Variants in PRAM1 observed in about 807,000 individuals in gnomAD.
PRAM1 encodes the protein PML-RARA-regulated adapter molecule 1.
Under a neutral mutation model 55.3 loss-of-function variants are expected in PRAM1, and 41 were observed. That is an observed-to-expected ratio of 0.74 (90% CI 0.58 to 0.96). The LOEUF (loss-of-function observed/expected upper bound fraction) is 0.96. PRAM1 is among the 40% of genes least tolerant of loss of function. The pLI is 0.00. For missense variants in PRAM1, 898 were observed against 892.7 expected, an observed-to-expected ratio of 1.01 and a Z score of -0.08; for synonymous variants, 401 against 387.1, an observed-to-expected ratio of 1.04 and a Z score of -0.42.
intron 1 of PRAM1, among the ~76,000 whole-genome samples, chr19:8,501,507 ATTTTTTT>A (rs773534887): frequency 6.8e-5 from 7 of 102,858 alleles, no homozygotes; most frequent in Admixed American, 5.7e-4. Context: ...ATGTGTCTTG[ATTTTTTT>A]TTTTTTTTTT....
At position 8,498,469 on chromosome 19, in the gene PRAM1, C is replaced by T; in HGVS notation, c.1339G>A (p.Ala447Thr). ...HPPRRRPLPP[A>T]SSLGHPPAKP... ...GCTGGAGGGTGTCCCAGGCTGCTGG[C>T]AGGGGGCAGAGGCCTCCGCCGGGGT... The change falls in exon 2 of 10, where the codon GCC (alanine) becomes ACC (threonine). Residue 447 changes from alanine (A) to threonine (T), a missense_variant. By Grantham distance (58) the Ala-to-Thr change is moderately conservative (BLOSUM62 0). Transcript: ENST00000423345. 1.3e-6 allele frequency: 2 copies of T among 1,586,334 alleles called. No individual in the cohort carries two copies. Among genetic ancestry groups the T allele is most frequent in the Non-Finnish European group, 1.7e-6 (2 of 1,166,208 alleles).
chr19:8,499,653 A>G lies in PRAM1; in HGVS notation c.155T>C (p.Leu52Pro). 6.2e-7 allele frequency: 1 copy of G among 1,613,682 alleles called. No individual in the cohort carries two copies. The highest frequency in any genetic ancestry group is 8.5e-7 in the Non-Finnish European group (1 of 1,179,820). Reference protein sequence around the residue: ...GKLKKFSQPELSEHPKKAPLP... With the variant: ...GKLKKFSQPEPSEHPKKAPLP... Reference sequence around the variant, plus strand: ...CGGGGCCTTCTTGGGGTGCTCGCTTAGCTCAGGCTGGGAGAACTTCTTCAG... The same window carrying G: ...CGGGGCCTTCTTGGGGTGCTCGCTTGGCTCAGGCTGGGAGAACTTCTTCAG... Residue 52 changes from leucine (L) to proline (P), a missense_variant, in exon 2 of 10, where the codon CTA becomes CCA. By Grantham distance (98) the Leu-to-Pro change is moderately conservative. Coordinates refer to ENST00000423345, the MANE Select transcript of PRAM1 (RefSeq NM_032152.5).
chr19:8,490,184 C>T lies in PRAM1; in HGVS notation c.*5G>A, dbSNP rs765683161. Reference sequence around the variant, plus strand: ...CTGGCTGTCCTGGCCCCACGCCTACCGGTCTTACCGTCCCAGGGGGAGTGG... The same window carrying T: ...CTGGCTGTCCTGGCCCCACGCCTACTGGTCTTACCGTCCCAGGGGGAGTGG... On this transcript the variant is annotated 3_prime_UTR_variant, in exon 10 of 10. Transcript: ENST00000423345. The surrounding 1 kb of genome is among the most constrained non-coding windows in gnomAD (Gnocchi z 7.3). 4.6e-5 allele frequency: 72 copies of T among 1,571,682 alleles called. No individual in the cohort carries two copies. The highest frequency in any genetic ancestry group is 4.4e-4 in the Admixed American group (25 of 56,512).
chr19:8,496,195 C>A, intron 4 of PRAM1: 1 of 440,096 alleles, frequency 2.3e-6, no homozygotes, highest in Non-Finnish European at 4.6e-6. Flanking sequence ...GTGGGCGGAT[C>A]ACGAGGTCAG....
chr19:8,491,842 C>A, intron 4 of PRAM1: 1 of 153,174 alleles, frequency 6.5e-6, no homozygotes, highest in Non-Finnish European at 1.5e-5. Flanking sequence ...TGCCCAAGGT[C>A]ACCCAGCTGG....
At chr19:8,500,351 G>A (rs1971789776) in intron 1 of PRAM1, among the ~76,000 whole-genome samples, 1 of 151,808 alleles carries the variant, frequency 6.6e-6, no homozygotes, top group African/African-American at 2.4e-5. Flanking sequence ...TGTCACCCCA[G>A]GAGGTAGTGG....
At chr19:8,495,581 C>T (rs528354750) in intron 4 of PRAM1, among the ~76,000 whole-genome samples, 40 of 152,168 alleles carry the variant, frequency 2.6e-4, no homozygotes, top group African/African-American at 9.4e-4. Context: ...TGCCTTACTG[C>T]CCTGTGGGGA....
At chr19:8,491,455 A>C in intron 4 of PRAM1, 7 of 477,730 alleles carry the variant, frequency 1.5e-5, no homozygotes, top group East Asian at 4.0e-5. Flanking sequence ...CTGGTCTTGA[A>C]CTCCTGACCT....
rs1971774731 is a variant in PRAM1 at position 8,499,597 on chromosome 19, G to T, written c.211C>A (p.Pro71Thr). 5 of 1,607,852 alleles carry T rather than the reference G, an allele frequency of 3.1e-6. No individual in the cohort carries two copies. The East Asian group carries it at 1.1e-4, about 36-fold the overall frequency. The change falls in exon 2 of 10, where the codon CCC (proline) becomes ACC (threonine). Residue 71 changes from proline to threonine, a missense_variant. By Grantham distance (38) the Pro-to-Thr change is conservative. Transcript: ENST00000423345. ...AGGTCAGTGACCTCAGGCGGCGGGG[G>T]CTTCAAGGACACTGCACCAAACTCA... Reference protein sequence around the residue: ...LPEFGAVSLKPPPPEVTDLPK... With the variant: ...LPEFGAVSLKTPPPEVTDLPK...
At chr19:8,494,845 C>T (rs1971676090) in intron 4 of PRAM1, among the ~76,000 whole-genome samples, 2 of 151,878 alleles carry the variant, frequency 1.3e-5, no homozygotes, top group South Asian at 4.2e-4. Flanking sequence ...GTTGGCCAGG[C>T]TGGTCTTGAA....
rs185680337 is a variant in PRAM1, at chr19:8,499,175, G to A, written c.633C>T (p.Thr211=). 1.2e-6 allele frequency: 2 copies of A among 1,613,656 alleles called. No homozygotes were observed. Among genetic ancestry groups the A allele is most frequent in the African/African-American group, 1.3e-5 (1 of 74,916 alleles). ...TPRSPQPELS[T]FPKKPAQPEF... The stretch of plus-strand genomic sequence containing the variant: ...CAGGCTGCGCAGGCTTCTTGGGAAA[G>A]GTACTCAACTCAGGCTGCGGGGACC... The change falls in exon 2 of 10, where the codon ACC becomes ACT. Residue 211 remains threonine (T), a synonymous_variant. Transcript: ENST00000423345.
chr19:8,492,855 G>A (rs1374215186), intron 4 of PRAM1, among the ~76,000 whole-genome samples: 1 of 151,942 alleles, frequency 6.6e-6, no homozygotes, highest in African/African-American at 2.4e-5. Context: ...AAATTAGACG[G>A]GTGTGGTGGT....
chr19:8,502,483 C>T (rs1971819415), intron 1 of PRAM1, 82 bp downstream of exon 1: 1 of 985,472 alleles, frequency 1.0e-6, no homozygotes, highest in Non-Finnish European at 1.5e-6. Context: ...CCCGCCCCTC[C>T]ACAGGTGGAT....
intron 4 of PRAM1, chr19:8,491,665 G>C (rs1971631937): frequency 5.5e-6 from 1 of 180,888 alleles, no homozygotes; most frequent in African/African-American, 2.4e-5. Flanking sequence ...GGTTCTTCTG[G>C]ATTGCCTTCC....
At chr19:8,500,056 C>A (rs1469400484) in intron 1 of PRAM1, among the ~76,000 whole-genome samples, 1 of 150,490 alleles carries the variant, frequency 6.6e-6, no homozygotes, top group Non-Finnish European at 1.5e-5. Context: ...CCACTGCCCT[C>A]CCCCCATGGG....
intron 3 of PRAM1, 124 bp downstream of exon 3, chr19:8,498,099 C>A: frequency 9.4e-7 from 1 of 1,063,604 alleles, no homozygotes; most frequent in Non-Finnish European, 1.4e-6. Flanking sequence ...AGGCTGTTGT[C>A]GAACTCCTGA....
chr19:8,498,880 G>GCTTTGAATT lies in PRAM1; in HGVS notation c.927_928insAATTCAAAG (p.Pro309_Arg310insAsnSerLys), dbSNP rs1971750103. The GCTTTGAATT allele has an allele frequency of 6.2e-7, 1 of 1,612,636 alleles. No homozygotes were observed. On this transcript the variant is annotated inframe_insertion, in exon 2 of 10. Coordinates refer to ENST00000423345, the MANE Select transcript of PRAM1 (RefSeq NM_032152.5). ...GAGAGCGCTTTGAATTCGGCCGGCC[G>GCTTTGAATT]CGGCCTCTTGGGAAGCACGCTGACT...
Position 8,498,490 on chromosome 19 carries a change from G to A in PRAM1, c.1318C>T (p.Arg440Trp). 6 of 1,593,896 alleles carry A rather than the reference G, an allele frequency of 3.8e-6. No individual in the cohort carries two copies. Among genetic ancestry groups the A allele is most frequent in the African/African-American group, 1.3e-5 (1 of 74,606 alleles). ...RPGLRPSHPP[R>W]RRPLPPASSL... is the part of the protein sequence containing the mutation. ...CTGGCAGGGGGCAGAGGCCTCCGCCGGGGTGGATGGCTGGGTCTGAGGCCT... is the reference window on the plus strand; with the variant it reads ...CTGGCAGGGGGCAGAGGCCTCCGCCAGGGTGGATGGCTGGGTCTGAGGCCT... Residue 440 changes from arginine (R) to tryptophan (W), a missense_variant, in exon 2 of 10, where the codon CGG (arginine) becomes TGG (tryptophan). Transcript: ENST00000423345.
chr19:8,498,916 A>T lies in PRAM1; in HGVS notation c.892T>A (p.Ser298Thr), dbSNP rs749610186. The change falls in exon 2 of 10, where the codon TCA (serine) becomes ACA (threonine). Residue 298 changes from serine to threonine, a missense_variant. Transcript: ENST00000423345. Reference protein sequence around the residue: ...PELGDLTRTSSEPEVSVLPKR... With the variant: ...PELGDLTRTSTEPEVSVLPKR... The stretch of plus-strand genomic sequence containing the variant: ...GGAAGCACGCTGACTTCGGGCTCTG[A>T]GGAGGTCCTGGTGAGGTCCCCAAGC... 2.5e-6 allele frequency: 4 copies of T among 1,613,308 alleles called. No homozygotes were observed. The South Asian group carries it at 4.4e-5, about 18-fold the overall frequency.
Sources: allele counts gnomAD v4.1 joint callset (sites outside exome capture counted in the v4.1 genomes callset), GRCh38; gene constraint gnomAD v4.1.1; non-coding constraint Gnocchi (gnomAD v3.1); transcripts MANE v1.5; gene names NCBI Gene and HGNC (gene_info 2026-07-23, HGNC 2026-07-21).